The following GARRE1 variants were observed in gnomAD, a reference collection of about 807,000 sequenced individuals.
The protein encoded by GARRE1 is granule associated Rac and RHOG effector protein 1.
A neutral mutation model predicts 103.2 loss-of-function variants in GARRE1; 49 were observed. The ratio of observed to expected loss-of-function variants is 0.47; its 90% CI spans 0.38 to 0.60. The LOEUF (loss-of-function observed/expected upper bound fraction) is 0.60, where lower values mean the gene tolerates loss of function less well. Ranked by LOEUF, GARRE1 falls within the 20% of genes least tolerant of loss-of-function variation. GARRE1 has a pLI of 0.00. For synonymous variants in GARRE1, 505 were observed against 532.8 expected (o/e 0.95, Z 0.72); for missense variants, 1,199 against 1,370.5 (o/e 0.87, Z 1.98).
In GARRE1 at chr19:34,330,205, T is replaced by C. The variant is rs199547494; in HGVS notation, c.1121T>C (p.Leu374Pro). ...LKLKTHTMLQLMKEAGCYNGI... is the reference protein window; with the variant it reads ...LKLKTHTMLQPMKEAGCYNGI... ...AATCTATAGCATACAATGTTACAGCTGATGAAGGAGGCAGGCTGCTATAAT... is the reference window on the plus strand; with the variant it reads ...AATCTATAGCATACAATGTTACAGCCGATGAAGGAGGCAGGCTGCTATAAT... The change falls in exon 7 of 14, where the codon CTG becomes CCG. Residue 374 changes from leucine to proline, a missense_variant. Coordinates refer to ENST00000299505, the MANE Select transcript of GARRE1 (RefSeq NM_014686.5). 1 of 1,614,032 alleles carries C rather than the reference T, an allele frequency of 6.2e-7. No individual in the cohort carries two copies. Among genetic ancestry groups the C allele is most frequent in the Non-Finnish European group, 8.5e-7 (1 of 1,179,936 alleles).
chr19:34,258,940 C>G (rs1366244729), intron 1 of GARRE1, among the ~76,000 whole-genome samples: 1 of 152,166 alleles, frequency 6.6e-6, no homozygotes, highest in Non-Finnish European at 1.5e-5. Context: ...GGGCTCATGC[C>G]TGTGATCCCA....
At chr19:34,335,757 C>T (rs958109455) in intron 8 of GARRE1, among the ~76,000 whole-genome samples, 16 of 152,186 alleles carry the variant, frequency 1.1e-4, no homozygotes, top group African/African-American at 3.6e-4. Flanking sequence ...AACTCCTGAC[C>T]TCAGGTGATC....
chr19:34,339,772 G>A (rs2145277906), intron 8 of GARRE1, 95 bp from the exon 9 acceptor site: 1 of 1,480,868 alleles, frequency 6.8e-7, no homozygotes, highest in Non-Finnish European at 9.3e-7. Flanking sequence ...GGGCGCCAGA[G>A]GTACATAAAA....
At position 34,335,477 on chromosome 19, in the gene GARRE1, A is replaced by T. The variant is rs185028154; in HGVS notation, c.1361+1676A>T. Among the ~76,000 whole-genome samples, 636 of 152,354 alleles carry T rather than the reference A, an allele frequency of 4.2e-3. 22 individuals are homozygous for T. The highest frequency in any genetic ancestry group is 0.037 in the Admixed American group (565 of 15,306). ...GAACAAAGAGGTGCTGTTGGTGCCT[A>T]TGTGGACTAAAATGGTAGTTGGGTA... On this transcript the variant is annotated intron_variant, in intron 8 of 13. Coordinates refer to ENST00000299505, the MANE Select transcript of GARRE1 (RefSeq NM_014686.5).
chr19:34,316,983 A>C (rs1195446201), intron 2 of GARRE1, among the ~76,000 whole-genome samples: 1 of 152,176 alleles, frequency 6.6e-6, no homozygotes, highest in Non-Finnish European at 1.5e-5. Flanking sequence ...CCACAGCAAG[A>C]GGGCTTCCTC....
intron 2 of GARRE1, among the ~76,000 whole-genome samples, chr19:34,306,527 G>C (rs779661664): frequency 1.3e-4 from 20 of 152,168 alleles, no homozygotes; most frequent in Non-Finnish European, 2.6e-4. Context: ...TGTGAGTCCT[G>C]TCCAGTCTAT....
intron 2 of GARRE1, among the ~76,000 whole-genome samples, chr19:34,309,843 C>T (rs1192339638): frequency 6.6e-6 from 1 of 151,858 alleles, no homozygotes; most frequent in African/African-American, 2.4e-5. Context: ...GAAAGGGGAG[C>T]ATTATTGAGT....
At position 34,341,769 on chromosome 19, in the gene GARRE1, A is replaced by G; in HGVS notation, c.1835A>G (p.Asn612Ser). 3 of 1,614,216 alleles carry G rather than the reference A, an allele frequency of 1.9e-6. No individual in the cohort carries two copies. Among genetic ancestry groups the G allele is most frequent in the Non-Finnish European group, 2.5e-6 (3 of 1,180,022 alleles). The change falls in exon 10 of 14, where the codon AAT becomes AGT. Residue 612 changes from asparagine (N) to serine (S), a missense_variant. Transcript: ENST00000299505. ...DPSQSAQNSS[N>S]TVANGFLMER... The stretch of plus-strand genomic sequence containing the variant: ...TCACAGTCAGCTCAGAATTCCAGTA[A>G]TACAGTGGCCAATGGCTTTCTCATG...
At chr19:34,345,093 C>T (rs1254326165) in intron 10 of GARRE1, among the ~76,000 whole-genome samples, 1 of 152,212 alleles carries the variant, frequency 6.6e-6, no homozygotes, top group Non-Finnish European at 1.5e-5. Flanking sequence ...CCACCTCGGC[C>T]TCCCAAAGTG....
At chr19:34,294,471 T>G (rs1311190496) in intron 1 of GARRE1, among the ~76,000 whole-genome samples, 1 of 152,098 alleles carries the variant, frequency 6.6e-6, no homozygotes, top group Non-Finnish European at 1.5e-5. Flanking sequence ...GTTGCTATCT[T>G]TTATTAATAT....
intron 1 of GARRE1, among the ~76,000 whole-genome samples, chr19:34,269,774 C>T (rs1411154020): frequency 6.6e-6 from 1 of 152,178 alleles, no homozygotes; most frequent in Non-Finnish European, 1.5e-5. Flanking sequence ...ATAGTTTAAT[C>T]TTGGCCTCCT....
chr19:34,264,856 G>A (rs191548866), intron 1 of GARRE1, among the ~76,000 whole-genome samples: 55 of 152,268 alleles, frequency 3.6e-4, no homozygotes, highest in Admixed American at 2.9e-3. Context: ...AACAATCCTC[G>A]TAATGCAGGG....
At chr19:34,330,756 G>A (rs879539895) in intron 7 of GARRE1, among the ~76,000 whole-genome samples, 1 of 132,836 alleles carries the variant, frequency 7.5e-6, no homozygotes, top group Non-Finnish European at 1.6e-5. Flanking sequence ...TTTTGTGTGT[G>A]TGTGTGTGAC....
At chr19:34,270,437 C>T (rs2073780259) in intron 1 of GARRE1, among the ~76,000 whole-genome samples, 1 of 152,106 alleles carries the variant, frequency 6.6e-6, no homozygotes, top group Admixed American at 6.5e-5. Context: ...AATGTCGTGG[C>T]CCTGTGGCCT....
chr19:34,268,091 T>TA (rs59493780), intron 1 of GARRE1, among the ~76,000 whole-genome samples: 4 of 151,772 alleles, frequency 2.6e-5, no homozygotes, highest in African/African-American at 9.7e-5. Flanking sequence ...TTTTTTTTTT[T>TA]AAATCTACTT....
At chr19:34,261,449 A>G (rs1349145078) in intron 1 of GARRE1, among the ~76,000 whole-genome samples, 1 of 152,172 alleles carries the variant, frequency 6.6e-6, no homozygotes, top group East Asian at 1.9e-4. Context: ...TCCCCATGGA[A>G]CTGCTTGCTT....
At chr19:34,284,257 T>A (rs1409206855) in intron 1 of GARRE1, among the ~76,000 whole-genome samples, 2 of 151,276 alleles carry the variant, frequency 1.3e-5, no homozygotes, top group Non-Finnish European at 2.9e-5. Flanking sequence ...CCCAAGTAGC[T>A]GAAATTACCG....
intron 1 of GARRE1, among the ~76,000 whole-genome samples, chr19:34,298,713 A>T (rs1180103960): frequency 3.3e-5 from 5 of 152,056 alleles, no homozygotes; most frequent in East Asian, 1.9e-4. Flanking sequence ...ATCTCAAAAA[A>T]AATAATAATA....
At chr19:34,318,870 C>T (rs1052811908) in intron 2 of GARRE1, among the ~76,000 whole-genome samples, 1 of 152,004 alleles carries the variant, frequency 6.6e-6, no homozygotes, top group Non-Finnish European at 1.5e-5. Context: ...GGTGAAACCC[C>T]GTCTCCACTA....
Sources: allele counts gnomAD v4.1 joint callset (sites outside exome capture counted in the v4.1 genomes callset), GRCh38; gene constraint gnomAD v4.1.1; transcripts MANE v1.5; gene names NCBI Gene and HGNC (gene_info 2026-07-23, HGNC 2026-07-21).